WWOX: variants seen among roughly 807,000 people sequenced by gnomAD.
WWOX encodes the protein WW domain containing oxidoreductase, also known as WW domain-containing oxidoreductase.
Under a neutral mutation model 46.2 loss-of-function variants are expected in WWOX, and 69 were observed. The ratio of observed to expected loss-of-function variants is 1.49; its 90% confidence interval spans 1.23 to 1.82. The LOEUF is 1.82. WWOX is among the 40% of genes most tolerant of loss of function. The pLI is 0.00. For missense variants in WWOX, 919 were observed against 542.6 expected (o/e 1.69, Z -6.89); for synonymous variants, 359 against 202.6 (o/e 1.77, Z -6.56).
At chr16:78,260,767 C>T (rs374736683) in intron 5 of WWOX, among the ~76,000 whole-genome samples, 3 of 149,884 alleles carry the variant, frequency 2.0e-5, no homozygotes, top group East Asian at 2.0e-4. Flanking sequence ...GGTGAAACCC[C>T]GTCTGTACCA....
chr16:78,916,656 G>A (rs371300033), intron 8 of WWOX, among the ~76,000 whole-genome samples: 2 of 152,188 alleles, frequency 1.3e-5, no homozygotes, highest in Admixed American at 1.3e-4. Flanking sequence ...CATTCTGTCT[G>A]TTAGTAAAAT....
chr16:78,970,384 A>C (rs1215691175), intron 8 of WWOX, among the ~76,000 whole-genome samples: 3 of 152,216 alleles, frequency 2.0e-5, no homozygotes, highest in Admixed American at 6.5e-5. Context: ...GCATAACCTC[A>C]TGCCCAGCAT....
At chr16:79,036,981 G>A (rs1157634553) in intron 8 of WWOX, among the ~76,000 whole-genome samples, 1 of 152,198 alleles carries the variant, frequency 6.6e-6, no homozygotes, top group Admixed American at 6.5e-5. Context: ...AGGAATATGG[G>A]TATAGTGATG....
chr16:78,964,411 C>G (rs1240973774), intron 8 of WWOX, among the ~76,000 whole-genome samples: 1 of 152,202 alleles, frequency 6.6e-6, no homozygotes, highest in Non-Finnish European at 1.5e-5. Flanking sequence ...AACAAAGAGA[C>G]TGGCAGCATT....
chr16:78,791,822 G>C (rs993703647), intron 8 of WWOX, among the ~76,000 whole-genome samples: 3 of 152,148 alleles, frequency 2.0e-5, no homozygotes, highest in Non-Finnish European at 4.4e-5. Flanking sequence ...AGAGGTTGCA[G>C]TGAGCCGAGA....
intron 8 of WWOX, among the ~76,000 whole-genome samples, chr16:78,807,720 T>G (rs981302975): frequency 6.6e-6 from 1 of 152,216 alleles, no homozygotes; most frequent in Admixed American, 6.5e-5. Flanking sequence ...TACTGTTACA[T>G]AATTGGGGCT....
At chr16:78,257,370 A>C (rs970348236) in intron 5 of WWOX, among the ~76,000 whole-genome samples, 8 of 152,330 alleles carry the variant, frequency 5.3e-5, no homozygotes, top group Admixed American at 4.6e-4. Flanking sequence ...TTTATTTGGC[A>C]GCAAACAGTA....
At chr16:78,834,408 G>C (rs981613470) in intron 8 of WWOX, among the ~76,000 whole-genome samples, 2 of 152,100 alleles carry the variant, frequency 1.3e-5, no homozygotes, top group Non-Finnish European at 2.9e-5. Context: ...ATTGAATCTA[G>C]GTTTCTAGGT....
chr16:78,337,629 A>T (rs1380982800), intron 5 of WWOX, among the ~76,000 whole-genome samples: 1 of 152,128 alleles, frequency 6.6e-6, no homozygotes. Flanking sequence ...TCACGCCTCT[A>T]AAAGTCCCCT....
intron 8 of WWOX, among the ~76,000 whole-genome samples, chr16:78,578,296 T>A (rs2044954464): frequency 1.2e-5 from 1 of 82,846 alleles, no homozygotes; most frequent in African/African-American, 4.9e-5. Context: ...TTTTTTTTTT[T>A]TTTTTTTTTT....
chr16:78,638,950 C>T (rs552401358), intron 8 of WWOX, among the ~76,000 whole-genome samples: 1 of 152,062 alleles, frequency 6.6e-6, no homozygotes, highest in South Asian at 2.1e-4. Flanking sequence ...AGAATGATTC[C>T]CTCTGGGGTG....
intron 8 of WWOX, among the ~76,000 whole-genome samples, chr16:78,581,155 C>G (rs2045042504): frequency 6.6e-6 from 1 of 151,682 alleles, no homozygotes; most frequent in Non-Finnish European, 1.5e-5. Flanking sequence ...CACCGTATAA[C>G]AAGTGTTTTA....
chr16:78,719,377 T>C (rs2048641448), intron 8 of WWOX, among the ~76,000 whole-genome samples: 1 of 152,224 alleles, frequency 6.6e-6, no homozygotes, highest in Admixed American at 6.5e-5. Context: ...TGTCAGGTGA[T>C]GTGGGATCCA....
At chr16:79,090,247 G>A (rs143819125) in intron 8 of WWOX, among the ~76,000 whole-genome samples, 3 of 151,632 alleles carry the variant, frequency 2.0e-5, no homozygotes, top group East Asian at 1.9e-4. Context: ...TGCTAGCCTC[G>A]TGGGGTGCCA....
At chr16:78,963,235 G>C (rs1486111982) in intron 8 of WWOX, among the ~76,000 whole-genome samples, 2 of 152,170 alleles carry the variant, frequency 1.3e-5, no homozygotes, top group African/African-American at 4.8e-5. Context: ...TTGAGAGGCA[G>C]AGGTGAGAGG....
At chr16:78,233,728 C>T (rs903133090) in intron 5 of WWOX, among the ~76,000 whole-genome samples, 3 of 151,966 alleles carry the variant, frequency 2.0e-5, no homozygotes, top group African/African-American at 7.3e-5. Flanking sequence ...GGGGTTTCAC[C>T]GTGTTAGCCA....
chr16:78,580,871 T>A (rs1161900729), intron 8 of WWOX, among the ~76,000 whole-genome samples: 1 of 152,230 alleles, frequency 6.6e-6, no homozygotes, highest in Non-Finnish European at 1.5e-5. Context: ...CTTCTAATTT[T>A]CTTTGGTAGT....
At chr16:78,886,826 G>T (rs2044468659) in intron 8 of WWOX, among the ~76,000 whole-genome samples, 1 of 152,058 alleles carries the variant, frequency 6.6e-6, no homozygotes. Context: ...CTTATTCAGA[G>T]TCCTTCCTTC....
chr16:78,829,394 T>G (rs924012156), intron 8 of WWOX, among the ~76,000 whole-genome samples: 3 of 152,078 alleles, frequency 2.0e-5, no homozygotes, highest in Non-Finnish European at 2.9e-5. Flanking sequence ...TTCAACAGAT[T>G]AGATGAGATC....
Sources: gnomAD v4.1 joint callset for allele counts (sites outside exome capture counted in the v4.1 genomes callset) on GRCh38, gnomAD v4.1.1 for gene constraint, MANE v1.5 for transcripts, NCBI Gene and HGNC (gene_info 2026-07-23, HGNC 2026-07-21) for gene names.